The following GANC variants were observed in gnomAD, a reference collection of about 807,000 sequenced individuals.
The protein encoded by GANC is glucosidase alpha, neutral C.
Under a neutral mutation model 124.2 loss-of-function variants are expected in GANC, and 117 were observed. That is an observed-to-expected ratio of 0.94 (90% CI 0.81 to 1.10). The LOEUF (loss-of-function observed/expected upper bound fraction) is 1.10. Ranked by LOEUF, GANC falls within the 50% of genes least tolerant of loss-of-function variation. The pLI, the probability that GANC is intolerant of heterozygous loss-of-function variation, is 0.00. For synonymous variants in GANC, 377 were observed against 376.8 expected (o/e 1.00, Z -0.01); for missense variants, 1,140 against 1,095.0 (o/e 1.04, Z -0.58).
At chr15:42,295,880 G>C (rs746197031) in intron 5 of GANC, among the ~76,000 whole-genome samples, 2 of 152,126 alleles carry the variant, frequency 1.3e-5, no homozygotes, top group South Asian at 2.1e-4. Context: ...AATGGCTCAT[G>C]GCTATAATAC....
At chr15:42,348,980 A>T (rs1285235243) in intron 21 of GANC, among the ~76,000 whole-genome samples, 1 of 152,252 alleles carries the variant, frequency 6.6e-6, no homozygotes, top group Non-Finnish European at 1.5e-5. Context: ...AAGGAAGCAG[A>T]TACCATTCTC....
intron 5 of GANC, among the ~76,000 whole-genome samples, chr15:42,294,379 G>C (rs1277868295): frequency 1.3e-5 from 2 of 151,054 alleles, no homozygotes; most frequent in Non-Finnish European, 2.9e-5. Flanking sequence ...TTCGAGACCA[G>C]CCTGGCCAAC....
intron 10 of GANC, among the ~76,000 whole-genome samples, chr15:42,312,794 C>T (rs746388087): frequency 2.0e-5 from 3 of 151,942 alleles, no homozygotes; most frequent in Non-Finnish European, 4.4e-5. Flanking sequence ...CAAAAATTGG[C>T]CAGGCATGGT....
intron 3 of GANC, among the ~76,000 whole-genome samples, chr15:42,287,194 C>A (rs2051797705): frequency 6.6e-6 from 1 of 152,222 alleles, no homozygotes; most frequent in East Asian, 1.9e-4. Flanking sequence ...CTCCTTTCAT[C>A]CACCACTAGA....
chr15:42,275,071 T>C (rs2051649548), intron 1 of GANC, among the ~76,000 whole-genome samples: 1 of 151,834 alleles, frequency 6.6e-6, no homozygotes, highest in Non-Finnish European at 1.5e-5. Flanking sequence ...TTCTCCAATC[T>C]TTGTACACTT....
At position 42,352,588 on chromosome 15, in the gene GANC, C is replaced by T; in HGVS notation, c.*449C>T. 1.6e-5 allele frequency: 16 copies of T among 1,010,186 alleles called. No homozygotes were observed. Among genetic ancestry groups the T allele is most frequent in the Non-Finnish European group, 1.8e-5 (15 of 843,632 alleles). The allele number at this position is 1,010,186 out of a possible 1,614,324, so 62.6% of individuals were successfully genotyped here. On this transcript the variant is annotated 3_prime_UTR_variant, in exon 24 of 24. Transcript: ENST00000318010. The stretch of plus-strand genomic sequence containing the variant: ...GTGGACAGCAGCCTCTGGTACTCCC[C>T]CCAGTTATCTTCCACCCACATGGAC...
intron 3 of GANC, among the ~76,000 whole-genome samples, chr15:42,287,349 A>G (rs2051799435): frequency 1.3e-5 from 2 of 152,216 alleles, no homozygotes. Flanking sequence ...TATCATAGAT[A>G]CAGTAGCCAC....
intron 5 of GANC, 127 bp downstream of exon 5, chr15:42,293,044 G>A: frequency 1.2e-6 from 1 of 850,896 alleles, no homozygotes; most frequent in Non-Finnish European, 1.8e-6. Flanking sequence ...GTATTGTTCT[G>A]AGAAATTTTA....
intron 1 of GANC, 109 bp downstream of exon 1, chr15:42,274,619 C>A (rs2051638016): frequency 9.1e-7 from 1 of 1,097,344 alleles, no homozygotes; most frequent in Non-Finnish European, 1.3e-6. Context: ...TGACCTTTAT[C>A]TTTTCTCTCA....
chr15:42,317,220 G>C (rs1309569146), intron 10 of GANC, among the ~76,000 whole-genome samples: 1 of 152,120 alleles, frequency 6.6e-6, no homozygotes, highest in Non-Finnish European at 1.5e-5. Flanking sequence ...ACATGTAACA[G>C]AATATTATTC....
chr15:42,335,913 A>AG (rs2052279644), intron 15 of GANC, among the ~76,000 whole-genome samples: 1 of 152,226 alleles, frequency 6.6e-6, no homozygotes, highest in Non-Finnish European at 1.5e-5. Context: ...CTAACCAGCG[A>AG]GGTGAAAGAT....
chr15:42,339,541 G>A (rs543107717), intron 16 of GANC, 128 bp from the exon 17 acceptor site: 53 of 1,119,350 alleles, frequency 4.7e-5, no homozygotes, highest in African/African-American at 4.2e-4. Flanking sequence ...TTGAGGCCAC[G>A]GCTTTATCCT....
At chr15:42,306,719 C>A in intron 7 of GANC, 107 bp downstream of exon 7, 3 of 657,188 alleles carry the variant, frequency 4.6e-6, no homozygotes, top group Non-Finnish European at 7.8e-6. Context: ...GTGACTTTAA[C>A]AGAAGAACAG....
chr15:42,320,161 C>T (rs549100581), intron 10 of GANC, among the ~76,000 whole-genome samples: 28 of 152,058 alleles, frequency 1.8e-4, no homozygotes, highest in Admixed American at 8.5e-4. Flanking sequence ...CCAGCCTGGG[C>T]GACAGAGCTA....
chr15:42,277,164 A>G (rs529652808), intron 2 of GANC, among the ~76,000 whole-genome samples: 4 of 152,328 alleles, frequency 2.6e-5, no homozygotes, highest in Admixed American at 2.6e-4. Flanking sequence ...GAGTAAATGC[A>G]TTTGAAATGT....
Position 42,273,579 on chromosome 15 carries a change from C to G in GANC, c.-903C>G. 15 of 1,095,730 alleles carry G rather than the reference C, an allele frequency of 1.4e-5. No individual in the cohort carries two copies. The highest frequency in any genetic ancestry group is 1.9e-5 in the Non-Finnish European group (15 of 785,566). The allele number at this position is 1,095,730 out of a possible 1,614,324, so 67.9% of individuals were successfully genotyped here. A position where few individuals can be genotyped will look rare whatever the true frequency, so the allele number is the denominator to read the frequency against. ...CGTCTGTGCGCCGTGAGACTTTGGA[C>G]CTACTGCGCAGGCGTCATCCTGTTG... On this transcript the variant is annotated 5_prime_UTR_variant, in exon 1 of 24. Coordinates refer to ENST00000318010, the MANE Select transcript of GANC (RefSeq NM_198141.3).
chr15:42,286,929 T>C (rs775478242), intron 3 of GANC, among the ~76,000 whole-genome samples: 1 of 152,252 alleles, frequency 6.6e-6, no homozygotes, highest in Non-Finnish European at 1.5e-5. Flanking sequence ...GGCCCACCAG[T>C]TGAAAACCAT....
At chr15:42,284,171 A>G (rs772621768) in intron 3 of GANC, 17 of 602,444 alleles carry the variant, frequency 2.8e-5, no homozygotes, top group Non-Finnish European at 4.1e-5. Context: ...TGATGGAGTC[A>G]TAATTTTCCT....
Position 42,321,980 on chromosome 15 carries a change from C to T in GANC, c.1253C>T (p.Pro418Leu), listed in dbSNP as rs1433737046. 1.9e-6 allele frequency: 3 copies of T among 1,613,810 alleles called. No homozygotes were observed. The highest frequency in any genetic ancestry group is 1.1e-5 in the South Asian group (1 of 91,028). ...FTWDKNRFPN[P>L]KRMQELLRSK... The stretch of plus-strand genomic sequence containing the variant: ...TGGGACAAAAACAGATTCCCAAACC[C>T]CAAGAGGATGCAAGAGCTGCTCAGG... Residue 418 changes from proline to leucine, a missense_variant, in exon 11 of 24, where the codon CCC (proline) becomes CTC (leucine). Pro to Leu is a moderately conservative substitution (Grantham distance 98, BLOSUM62 -3). Transcript: ENST00000318010.
Sources: allele counts gnomAD v4.1 joint callset (sites outside exome capture counted in the v4.1 genomes callset), GRCh38; gene constraint gnomAD v4.1.1; transcripts MANE v1.5; gene names NCBI Gene and HGNC (gene_info 2026-07-23, HGNC 2026-07-21).